ST6GALNAC3: variants seen among roughly 807,000 people sequenced by gnomAD.
The protein encoded by ST6GALNAC3 is ST6 N-acetylgalactosaminide alpha-2,6-sialyltransferase 3, also known as alpha-N-acetylgalactosaminide alpha-2,6-sialyltransferase 3.
ST6GALNAC3 carries 25 observed loss-of-function variants against 32.7 expected under a neutral mutation model. The ratio of observed to expected loss-of-function variants is 0.76; its 90% CI spans 0.56 to 1.07. The LOEUF is 1.07. ST6GALNAC3 is among the 50% of genes least tolerant of loss of function. The pLI is 0.00. For synonymous variants in ST6GALNAC3, 129 were observed against 133.1 expected (o/e 0.97, Z 0.21); for missense variants, 355 against 382.4 (o/e 0.93, Z 0.60).
intron 3 of ST6GALNAC3, among the ~76,000 whole-genome samples, chr1:76,456,529 T>G (rs1157581759): frequency 6.6e-6 from 1 of 152,048 alleles, no homozygotes. Context: ...TCTTTTAAGT[T>G]TTATATAATC....
In ST6GALNAC3 at chr1:76,481,974, A is replaced by G. The variant is rs565387356; in HGVS notation, c.623+69557A>G. Among the ~76,000 whole-genome samples, 8 of 152,240 alleles carry G rather than the reference A, an allele frequency of 5.3e-5. No homozygotes were observed. In the East Asian group the frequency reaches 1.5e-3, roughly 29 times the overall value. Reference sequence around the variant, plus strand: ...CAAATCAAAGGCATTTGTCCTACCCAAAAACCAAGTTCTGTGGCAAGTTTC... The same window carrying G: ...CAAATCAAAGGCATTTGTCCTACCCGAAAACCAAGTTCTGTGGCAAGTTTC... On this transcript the variant is annotated intron_variant, in intron 3 of 4. Transcript: ENST00000328299.
At chr1:76,303,106 C>T (rs1346431262) in intron 1 of ST6GALNAC3, among the ~76,000 whole-genome samples, 1 of 102,130 alleles carries the variant, frequency 9.8e-6, no homozygotes, top group African/African-American at 2.7e-5. Context: ...CAGTCCTATG[C>T]AAGTTTTCTG....
chr1:76,283,763 G>C (rs1305852829), intron 1 of ST6GALNAC3, among the ~76,000 whole-genome samples: 1 of 152,160 alleles, frequency 6.6e-6, no homozygotes, highest in African/African-American at 2.4e-5. Context: ...AGAAATACAG[G>C]CATCAACTTT....
chr1:76,509,866 C>G lies in ST6GALNAC3; in HGVS notation c.623+97449C>G, dbSNP rs536346068. On this transcript the variant is annotated intron_variant, in intron 3 of 4. Transcript: ENST00000328299. This position sits in a 1 kb window ranked among gnomAD's most constrained non-coding sequence, Gnocchi z 5.5. ...GTTACATTGGGCCAGAATAATCCTT[C>G]AAATTCAAGATCCTTAATTTAATTG... 7.2e-5 allele frequency among the ~76,000 whole-genome samples: 11 copies of G among 152,144 alleles called. No individual in the cohort carries two copies. Among genetic ancestry groups the G allele is most frequent in the Middle Eastern group, 3.2e-3 (1 of 316 alleles).
intron 3 of ST6GALNAC3, among the ~76,000 whole-genome samples, chr1:76,547,515 A>T (rs75647283): frequency 0.01 from 1,537 of 152,326 alleles, 28 homozygotes; most frequent in African/African-American, 0.036. Flanking sequence ...ACCCTCTCAG[A>T]CAAACCTTCC....
At chr1:76,320,959 TATATAC>T (rs981925656) in intron 2 of ST6GALNAC3, among the ~76,000 whole-genome samples, 4 of 148,338 alleles carry the variant, frequency 2.7e-5, no homozygotes, top group African/African-American at 1.0e-4. Flanking sequence ...AAATGGTATA[TATATAC>T]ACACACACAC....
At chr1:76,337,874 T>C (rs978385211) in intron 2 of ST6GALNAC3, among the ~76,000 whole-genome samples, 4 of 152,098 alleles carry the variant, frequency 2.6e-5, no homozygotes, top group African/African-American at 4.8e-5. Flanking sequence ...AACTTCCCTG[T>C]CTTTCCTGGC....
intron 3 of ST6GALNAC3, among the ~76,000 whole-genome samples, chr1:76,535,128 G>A (rs1663517382): frequency 6.6e-6 from 1 of 152,166 alleles, no homozygotes; most frequent in Non-Finnish European, 1.5e-5. Context: ...TAGGGAAAGA[G>A]ATGAGAAAAC....
chr1:76,543,077 T>A (rs1293583688), intron 3 of ST6GALNAC3, among the ~76,000 whole-genome samples: 1 of 152,214 alleles, frequency 6.6e-6, no homozygotes, highest in Non-Finnish European at 1.5e-5. Context: ...AAGTTGATAA[T>A]GATTTCAAAA....
chr1:76,426,065 A>C (rs1655358668), intron 3 of ST6GALNAC3, among the ~76,000 whole-genome samples: 1 of 151,720 alleles, frequency 6.6e-6, no homozygotes. Flanking sequence ...AATCTACATG[A>C]CTTTTGCCCC....
intron 3 of ST6GALNAC3, among the ~76,000 whole-genome samples, chr1:76,453,833 T>C (rs557804751): frequency 6.6e-6 from 1 of 152,292 alleles, no homozygotes; most frequent in Admixed American, 6.5e-5. Flanking sequence ...TGTTTCTTTG[T>C]TCATTTTCCA....
chr1:76,622,152 G>T (rs1347656652), intron 3 of ST6GALNAC3, among the ~76,000 whole-genome samples: 1 of 150,352 alleles, frequency 6.7e-6, no homozygotes, highest in Admixed American at 6.8e-5. Context: ...AACTGAAGCT[G>T]CAAAGTTTGA....
chr1:76,417,166 G>A (rs946996106), intron 3 of ST6GALNAC3, among the ~76,000 whole-genome samples: 1 of 150,282 alleles, frequency 6.7e-6, no homozygotes, highest in Non-Finnish European at 1.5e-5. Context: ...GATAGAGTAG[G>A]TTGCTTTCCC....
intron 3 of ST6GALNAC3, among the ~76,000 whole-genome samples, chr1:76,486,330 A>C (rs1436954838): frequency 6.6e-6 from 1 of 152,084 alleles, no homozygotes; most frequent in Non-Finnish European, 1.5e-5. Flanking sequence ...GGGGTGTTAA[A>C]GTCTCCCATT....
At chr1:76,623,614 C>T (rs1286444945) in intron 3 of ST6GALNAC3, among the ~76,000 whole-genome samples, 1 of 151,840 alleles carries the variant, frequency 6.6e-6, no homozygotes, top group Non-Finnish European at 1.5e-5. Flanking sequence ...CAGAGGATAT[C>T]CTTTAAGAAT....
At chr1:76,366,073 T>TAAAG (rs1179970410) in intron 2 of ST6GALNAC3, among the ~76,000 whole-genome samples, 1 of 152,232 alleles carries the variant, frequency 6.6e-6, no homozygotes. Flanking sequence ...TTCTTTTTTT[T>TAAAG]AAAGACTGAG....
chr1:76,141,967 T>C (rs1176179531), intron 1 of ST6GALNAC3, among the ~76,000 whole-genome samples: 1 of 152,148 alleles, frequency 6.6e-6, no homozygotes, highest in Non-Finnish European at 1.5e-5. Context: ...TGGCACCTGA[T>C]CAAGTGCTAA....
intron 3 of ST6GALNAC3, among the ~76,000 whole-genome samples, chr1:76,593,311 G>C (rs1436541601): frequency 6.6e-6 from 1 of 152,134 alleles, no homozygotes; most frequent in East Asian, 1.9e-4. Context: ...AGACCTAATT[G>C]TGATGTTATC....
At chr1:76,357,679 G>A (rs1397631212) in intron 2 of ST6GALNAC3, among the ~76,000 whole-genome samples, 1 of 152,162 alleles carries the variant, frequency 6.6e-6, no homozygotes, top group African/African-American at 2.4e-5. Flanking sequence ...ATTTCTGTTA[G>A]ACTAAAGCTC....
Sources: gnomAD v4.1 joint callset for allele counts (sites outside exome capture counted in the v4.1 genomes callset) on GRCh38, gnomAD v4.1.1 for gene constraint, Gnocchi (gnomAD v3.1) non-coding constraint, MANE v1.5 for transcripts, NCBI Gene and HGNC (gene_info 2026-07-23, HGNC 2026-07-21) for gene names.